The following BRD10 variants were observed in gnomAD, a reference collection of about 807,000 sequenced individuals.
The protein encoded by BRD10 is uncharacterized bromodomain-containing protein 10.
the BRD10 span, chr9:5,897,788 T>C: frequency 1.3e-6 from 1 of 774,328 alleles, no homozygotes; most frequent in Non-Finnish European, 2.2e-6. Context: ...TGATGCCTCT[T>C]TTGCTACATT....
chr9:5,901,455 C>T, the BRD10 span, among the ~76,000 whole-genome samples: 4 of 152,168 alleles, frequency 2.6e-5, no homozygotes, highest in Admixed American at 6.6e-5. Context: ...GCTTTTTCTA[C>T]ATCTATTGAT....
At chr9:5,929,792 A>G in the BRD10 span, among the ~76,000 whole-genome samples, 1 of 152,168 alleles carries the variant, frequency 6.6e-6, no homozygotes, top group Non-Finnish European at 1.5e-5. Context: ...AGCATTTACA[A>G]AAAGCCTTCT....
the BRD10 span, among the ~76,000 whole-genome samples, chr9:5,882,124 G>C: frequency 3.3e-5 from 5 of 152,280 alleles, no homozygotes; most frequent in South Asian, 1.0e-3. Context: ...AGACTAGGAA[G>C]ACTTCTCAGG....
At chr9:5,891,641 A>T in the BRD10 span, among the ~76,000 whole-genome samples, 3 of 152,204 alleles carry the variant, frequency 2.0e-5, no homozygotes, top group African/African-American at 7.2e-5. Flanking sequence ...TTGGTTTTTA[A>T]TGAGCGTACT....
chr9:6,002,983 C>CA, the BRD10 span, among the ~76,000 whole-genome samples: 3 of 152,306 alleles, frequency 2.0e-5, 1 homozygote, highest in East Asian at 5.8e-4. Flanking sequence ...CCACACTTGG[C>CA]AAAGTATGCT....
At chr9:5,957,831 C>G in the BRD10 span, among the ~76,000 whole-genome samples, 1 of 152,094 alleles carries the variant, frequency 6.6e-6, no homozygotes, top group East Asian at 1.9e-4. Flanking sequence ...TGAGATACTA[C>G]AAAATCATGC....
chr9:5,900,816 T>C, the BRD10 span, among the ~76,000 whole-genome samples: 1 of 152,238 alleles, frequency 6.6e-6, no homozygotes, highest in South Asian at 2.1e-4. Flanking sequence ...GTTTTTATAT[T>C]AACCAGTTTT....
At chr9:6,007,624 T>C in the BRD10 span, 4 of 1,603,382 alleles carry the variant, frequency 2.5e-6, no homozygotes, top group African/African-American at 4.0e-5. Flanking sequence ...TTCCTCCTGA[T>C]CGTCCGCGTC....
At chr9:5,910,853 G>T in the BRD10 span, 1 of 152,320 alleles carries the variant, frequency 6.6e-6, no homozygotes, top group Non-Finnish European at 1.5e-5. Flanking sequence ...GGCAACCCTG[G>T]GAGCCATGTG....
the BRD10 span, among the ~76,000 whole-genome samples, chr9:5,974,819 C>T: frequency 3.3e-5 from 5 of 152,304 alleles, no homozygotes; most frequent in African/African-American, 9.6e-5. Flanking sequence ...AAACTAGACT[C>T]ATAATTCACG....
chr9:5,901,062 T>G, the BRD10 span, among the ~76,000 whole-genome samples: 2 of 151,990 alleles, frequency 1.3e-5, no homozygotes, highest in Non-Finnish European at 1.5e-5. Flanking sequence ...AGTTTTAATG[T>G]AAATACAGAG....
chr9:5,906,076 G>A, the BRD10 span, among the ~76,000 whole-genome samples: 1 of 151,876 alleles, frequency 6.6e-6, no homozygotes, highest in Non-Finnish European at 1.5e-5. Context: ...AATATGTTGG[G>A]TGCAGTGGTG....
the BRD10 span, chr9:5,913,854 C>A: frequency 7.4e-6 from 2 of 271,236 alleles, no homozygotes; most frequent in Non-Finnish European, 7.3e-6. Context: ...AAATGGTCTC[C>A]CACCTGAGTA....
the BRD10 span, among the ~76,000 whole-genome samples, chr9:5,894,636 G>A: frequency 6.6e-6 from 1 of 152,326 alleles, no homozygotes; most frequent in Admixed American, 6.5e-5. The surrounding 1 kb of genome is among the most constrained non-coding windows in gnomAD (Gnocchi z 4.0). Context: ...TAATGAAGCT[G>A]GCTCTGACAA....
the BRD10 span, chr9:5,988,338 C>T: frequency 6.3e-7 from 1 of 1,598,616 alleles, no homozygotes; most frequent in Non-Finnish European, 8.6e-7. Flanking sequence ...TTTTTCTTAA[C>T]ATTTACCTTT....
At chr9:5,900,862 T>C in the BRD10 span, among the ~76,000 whole-genome samples, 2 of 152,344 alleles carry the variant, frequency 1.3e-5, no homozygotes, top group East Asian at 1.9e-4. Flanking sequence ...CAAAATACTT[T>C]TGATTCTTGG....
chr9:5,932,259 G>C, the BRD10 span, among the ~76,000 whole-genome samples: 3 of 151,448 alleles, frequency 2.0e-5, no homozygotes, highest in Admixed American at 6.6e-5. Context: ...ACACGGACAA[G>C]GGAAAAACAA....
At chr9:5,939,023 C>G in the BRD10 span, among the ~76,000 whole-genome samples, 1 of 151,972 alleles carries the variant, frequency 6.6e-6, no homozygotes, top group African/African-American at 2.4e-5. Flanking sequence ...AAAATATTGA[C>G]TTGATACCTT....
the BRD10 span, among the ~76,000 whole-genome samples, chr9:5,901,426 G>C: frequency 6.6e-6 from 1 of 152,144 alleles, no homozygotes; most frequent in African/African-American, 2.4e-5. Context: ...TTATGAATGG[G>C]TGTTTGATTT....
Sources: allele counts gnomAD v4.1 joint callset (sites outside exome capture counted in the v4.1 genomes callset), GRCh38; gene constraint gnomAD v4.1.1; non-coding constraint Gnocchi (gnomAD v3.1); transcripts MANE v1.5; gene names NCBI Gene and HGNC (gene_info 2026-07-23, HGNC 2026-07-21).